Variants in EPHA6 observed in about 807,000 individuals in gnomAD.
EPHA6 encodes ephrin type-A receptor 6.
In EPHA6, 50 loss-of-function variants were observed where a neutral mutation model predicts 112.0. The observed-to-expected ratio is 0.45, with a 90% CI of 0.36 to 0.56. The LOEUF (loss-of-function observed/expected upper bound fraction) is 0.56. Ranked by LOEUF, EPHA6 falls within the 20% of genes least tolerant of loss-of-function variation. The pLI, the probability that EPHA6 is intolerant of heterozygous loss-of-function variation, is 0.00. For missense variants in EPHA6, 1,280 were observed against 1,417.4 expected (o/e 0.90, Z 1.56); for synonymous variants, 529 against 490.7 (o/e 1.08, Z -1.03).
chr3:96,877,351 A>C (rs958447284), intron 2 of EPHA6, among the ~76,000 whole-genome samples: 1 of 152,130 alleles, frequency 6.6e-6, no homozygotes, highest in Admixed American at 6.6e-5. Flanking sequence ...TGGAATGGAA[A>C]GATATTGACC....
intron 15 of EPHA6, among the ~76,000 whole-genome samples, chr3:97,725,623 C>G (rs1330729631): frequency 1.3e-5 from 2 of 152,096 alleles, no homozygotes; most frequent in African/African-American, 4.8e-5. Context: ...ACCAGTCGGG[C>G]TTTAGAACAA....
chr3:96,888,177 C>T lies in EPHA6; in HGVS notation c.450+21288C>T, dbSNP rs528256603. Among the ~76,000 whole-genome samples the T allele has an allele frequency of 1.8e-3, 269 of 152,202 alleles. 1 individual carries two copies. Among genetic ancestry groups the T allele is most frequent in the Middle Eastern group, 6.8e-3 (2 of 294 alleles). ...TTTCCTTCTCCCTGTGGAATTTTAC[C>T]CCCTGCTCCTCTCCCATTGAATCCC... On this transcript the variant is annotated intron_variant, in intron 2 of 17. Transcript: ENST00000389672.
At chr3:96,951,786 TA>T (rs1264066719) in intron 2 of EPHA6, among the ~76,000 whole-genome samples, 2 of 152,200 alleles carry the variant, frequency 1.3e-5, no homozygotes, top group Non-Finnish European at 2.9e-5. Flanking sequence ...TCTTTATTTA[TA>T]AAACCAGAGG....
At chr3:97,084,121 TATGG>T (rs200938305) in intron 3 of EPHA6, among the ~76,000 whole-genome samples, 2,287 of 116,018 alleles carry the variant, frequency 0.02, 81 homozygotes, top group African/African-American at 0.073. Flanking sequence ...TATATATATA[TATGG>T]ATATATATCC....
intron 2 of EPHA6, among the ~76,000 whole-genome samples, chr3:96,870,065 C>T (rs1305350670): frequency 6.6e-6 from 1 of 152,026 alleles, no homozygotes; most frequent in Non-Finnish European, 1.5e-5. Flanking sequence ...TGAAATACTT[C>T]ATGTATTGGT....
At chr3:96,823,787 T>C (rs2033455953) in intron 1 of EPHA6, among the ~76,000 whole-genome samples, 2 of 151,804 alleles carry the variant, frequency 1.3e-5, no homozygotes, top group Admixed American at 1.3e-4. Flanking sequence ...GAGAAGTTCA[T>C]TGTCACCTAG....
intron 5 of EPHA6, among the ~76,000 whole-genome samples, chr3:97,312,204 A>G (rs956766400): frequency 1.3e-5 from 2 of 151,514 alleles, no homozygotes; most frequent in Admixed American, 6.6e-5. Flanking sequence ...TTTCCCGTGT[A>G]CACAATTATT....
chr3:97,125,846 T>G lies in EPHA6; in HGVS notation c.1115-100418T>G, dbSNP rs892312239. 3.9e-4 allele frequency among the ~76,000 whole-genome samples: 60 copies of G among 152,194 alleles called. 1 individual carries two copies. The highest frequency in any genetic ancestry group is 3.9e-3 in the Admixed American group (60 of 15,272). ...CTTTCACTGAATTTCAAACCTAGTT[T>G]TAAATGCTTTCAGATTGTTTTAGAG... On this transcript the variant is annotated intron_variant, in intron 3 of 17. Transcript: ENST00000389672.
intron 10 of EPHA6, among the ~76,000 whole-genome samples, chr3:97,484,556 CT>C (rs1312692799): frequency 6.6e-6 from 1 of 152,324 alleles, no homozygotes; most frequent in Non-Finnish European, 1.5e-5. Context: ...TATTATTCAA[CT>C]ATCCTGAATA....
chr3:97,391,404 G>A (rs1577211325), intron 5 of EPHA6, among the ~76,000 whole-genome samples: 1 of 151,966 alleles, frequency 6.6e-6, no homozygotes, highest in East Asian at 1.9e-4. Flanking sequence ...GTACAGTACA[G>A]TTTGTAAGTG....
intron 1 of EPHA6, among the ~76,000 whole-genome samples, chr3:96,843,551 G>A (rs1379451455): frequency 6.6e-6 from 1 of 152,042 alleles, no homozygotes; most frequent in African/African-American, 2.4e-5. Flanking sequence ...CGAGGTGGCG[G>A]TGAACAGGTA....
At chr3:97,186,281 C>T (rs1348440400) in intron 3 of EPHA6, among the ~76,000 whole-genome samples, 3 of 152,042 alleles carry the variant, frequency 2.0e-5, no homozygotes, top group Non-Finnish European at 2.9e-5. Context: ...GAATTTGGGG[C>T]CCCAAGATTT....
intron 8 of EPHA6, among the ~76,000 whole-genome samples, 198 bp from the exon 9 acceptor site, chr3:97,479,096 C>T (rs780880365): frequency 8.5e-5 from 13 of 152,166 alleles, no homozygotes; most frequent in Non-Finnish European, 1.6e-4. Context: ...AATCCATCTA[C>T]TTAACAGCAT....
At chr3:97,261,558 A>G (rs558550925) in intron 5 of EPHA6, among the ~76,000 whole-genome samples, 2 of 152,302 alleles carry the variant, frequency 1.3e-5, no homozygotes, top group South Asian at 4.1e-4. Flanking sequence ...CTCTATTTAC[A>G]TTCCTGGCTC....
At chr3:96,903,908 T>C (rs1559816714) in intron 2 of EPHA6, among the ~76,000 whole-genome samples, 1 of 152,132 alleles carries the variant, frequency 6.6e-6, no homozygotes, top group Non-Finnish European at 1.5e-5. Context: ...CACAATGAGA[T>C]ACCATCTCAC....
At chr3:96,934,493 A>T (rs2040484286) in intron 2 of EPHA6, among the ~76,000 whole-genome samples, 1 of 151,694 alleles carries the variant, frequency 6.6e-6, no homozygotes, top group Admixed American at 6.6e-5. Flanking sequence ...AAATAATCAA[A>T]TACAAATTTC....
At chr3:96,880,858 A>G (rs2037275446) in intron 2 of EPHA6, among the ~76,000 whole-genome samples, 1 of 152,022 alleles carries the variant, frequency 6.6e-6, no homozygotes, top group African/African-American at 2.4e-5. Flanking sequence ...ATGTGTCAGT[A>G]CTTCCTTTTT....
intron 13 of EPHA6, among the ~76,000 whole-genome samples, chr3:97,636,473 C>T (rs76231112): frequency 0.012 from 1,806 of 151,994 alleles, 41 homozygotes; most frequent in East Asian, 0.12. Flanking sequence ...ACAGAAGTGC[C>T]GGCTTAAATG....
chr3:96,942,287 T>A (rs1307872005), intron 2 of EPHA6, among the ~76,000 whole-genome samples: 2 of 152,186 alleles, frequency 1.3e-5, no homozygotes, highest in African/African-American at 4.8e-5. Context: ...CCAGCTGCTT[T>A]GTTTACCTAA....
Sources: gnomAD v4.1 joint callset for allele counts (sites outside exome capture counted in the v4.1 genomes callset) on GRCh38, gnomAD v4.1.1 for gene constraint, MANE v1.5 for transcripts, NCBI Gene and HGNC (gene_info 2026-07-23, HGNC 2026-07-21) for gene names.